Variants in CMSS1 observed in about 807,000 individuals in gnomAD.
CMSS1 encodes protein CMSS1.
Under a neutral mutation model 43.5 loss-of-function variants are expected in CMSS1, and 33 were observed. The ratio of observed to expected loss-of-function variants is 0.76; its 90% CI spans 0.57 to 1.01. CMSS1 has a LOEUF of 1.01. Ranked by LOEUF, CMSS1 falls within the 50% of genes least tolerant of loss-of-function variation. The probability of loss-of-function intolerance (pLI) is 0.00; values close to 1 mark genes in which losing one functional copy is unlikely to be tolerated. For missense variants in CMSS1, 313 were observed against 326.4 expected, an observed-to-expected ratio of 0.96 and a Z score of 0.32; for synonymous variants, 115 against 117.2, an observed-to-expected ratio of 0.98 and a Z score of 0.12.
At chr3:99,923,807 T>G (rs1306088540) in intron 1 of CMSS1, among the ~76,000 whole-genome samples, 1 of 152,246 alleles carries the variant, frequency 6.6e-6, no homozygotes, top group Non-Finnish European at 1.5e-5. Context: ...AAGCCTTTCC[T>G]TTTCTCATCC....
chr3:100,024,976 G>A (rs965903823), intron 1 of CMSS1, among the ~76,000 whole-genome samples: 16 of 152,110 alleles, frequency 1.1e-4, no homozygotes, highest in African/African-American at 3.6e-4. Flanking sequence ...CAAGTTTATC[G>A]AGCTTGATTT....
At chr3:99,927,731 T>TA (rs901517670) in intron 1 of CMSS1, among the ~76,000 whole-genome samples, 6 of 152,098 alleles carry the variant, frequency 3.9e-5, no homozygotes, top group Non-Finnish European at 4.4e-5. Flanking sequence ...AATTTTTTTT[T>TA]AAAATTAAGT....
At chr3:100,062,353 C>T (rs2065587664) in intron 1 of CMSS1, among the ~76,000 whole-genome samples, 1 of 151,924 alleles carries the variant, frequency 6.6e-6, no homozygotes, top group African/African-American at 2.4e-5. Flanking sequence ...CCTCGCGATC[C>T]ACCCGTCTCG....
At chr3:100,165,638 A>G (rs1182108543) in intron 4 of CMSS1, among the ~76,000 whole-genome samples, 2 of 151,942 alleles carry the variant, frequency 1.3e-5, no homozygotes, top group Non-Finnish European at 2.9e-5. Flanking sequence ...TACCACATAT[A>G]CTCATCCATT....
intron 1 of CMSS1, among the ~76,000 whole-genome samples, chr3:100,074,881 A>C (rs2065825172): frequency 6.6e-6 from 1 of 151,262 alleles, no homozygotes; most frequent in Non-Finnish European, 1.5e-5. Context: ...TTTAATAGAG[A>C]CAGGGTTTCG....
chr3:100,042,354 C>T (rs1305112830), intron 1 of CMSS1, among the ~76,000 whole-genome samples: 1 of 152,124 alleles, frequency 6.6e-6, no homozygotes, highest in Admixed American at 6.5e-5. Context: ...AACATTGGCT[C>T]TGTGACCAGC....
chr3:100,077,147 T>C (rs1340487015), intron 1 of CMSS1, among the ~76,000 whole-genome samples: 2 of 152,238 alleles, frequency 1.3e-5, no homozygotes, highest in African/African-American at 4.8e-5. Flanking sequence ...GATGCTTGGA[T>C]AGCTTGTACT....
At chr3:99,987,543 A>AG (rs1443636763) in intron 1 of CMSS1, among the ~76,000 whole-genome samples, 6 of 150,926 alleles carry the variant, frequency 4.0e-5, no homozygotes, top group African/African-American at 9.8e-5. Context: ...AAAAAAAAAA[A>AG]AAAGAAAGAA....
chr3:100,170,096 T>A (rs1238758685), intron 6 of CMSS1, among the ~76,000 whole-genome samples: 1 of 152,238 alleles, frequency 6.6e-6, no homozygotes. Flanking sequence ...TATAAGAACA[T>A]CTGTTCTATT....
chr3:100,035,376 C>A (rs1477679749), intron 1 of CMSS1, among the ~76,000 whole-genome samples: 4 of 152,152 alleles, frequency 2.6e-5, no homozygotes, highest in Non-Finnish European at 5.9e-5. Flanking sequence ...TGGGTTCAAG[C>A]AATTCTCCTG....
At chr3:99,845,987 A>C (rs889965913) in intron 1 of CMSS1, among the ~76,000 whole-genome samples, 1 of 152,234 alleles carries the variant, frequency 6.6e-6, no homozygotes, top group Non-Finnish European at 1.5e-5. Flanking sequence ...TTTGTGCATT[A>C]TCATAATAGA....
chr3:99,961,108 A>G (rs1006557845), intron 1 of CMSS1, among the ~76,000 whole-genome samples: 2 of 152,198 alleles, frequency 1.3e-5, no homozygotes, highest in African/African-American at 4.8e-5. Context: ...GTAACCTTGG[A>G]AAATGCAATA....
intron 1 of CMSS1, among the ~76,000 whole-genome samples, chr3:100,059,854 C>A (rs557241440): frequency 4.6e-5 from 7 of 152,306 alleles, no homozygotes; most frequent in African/African-American, 1.7e-4. Context: ...AATTCATATT[C>A]TTCAAAAACA....
At chr3:99,912,575 G>T (rs892636439) in intron 1 of CMSS1, among the ~76,000 whole-genome samples, 9 of 152,082 alleles carry the variant, frequency 5.9e-5, no homozygotes, top group Non-Finnish European at 1.3e-4. Context: ...ATGAAGTTTT[G>T]CCATGTTGCC....
At chr3:99,835,070 C>A (rs879352082) in intron 1 of CMSS1, among the ~76,000 whole-genome samples, 8 of 152,126 alleles carry the variant, frequency 5.3e-5, no homozygotes, top group Non-Finnish European at 8.8e-5. Context: ...GGTCATAATC[C>A]TAACTTCTTT....
chr3:99,837,768 A>G (rs1942960885), intron 1 of CMSS1, among the ~76,000 whole-genome samples: 1 of 152,238 alleles, frequency 6.6e-6, no homozygotes, highest in South Asian at 2.1e-4. Flanking sequence ...TCCTTGAGAA[A>G]TAGAAATCCA....
chr3:100,102,124 G>T (rs1252654941), intron 1 of CMSS1, among the ~76,000 whole-genome samples: 4 of 152,132 alleles, frequency 2.6e-5, no homozygotes, highest in Non-Finnish European at 5.9e-5. Context: ...ATAATCCTTT[G>T]GGTATATACC....
intron 1 of CMSS1, chr3:100,075,574 T>A (rs1044571177): frequency 3.3e-5 from 5 of 151,936 alleles, no homozygotes; most frequent in Non-Finnish European, 5.9e-5. Context: ...TCTTTTTTTT[T>A]TTTTAACTGT....
At chr3:100,157,293 T>C (rs1020926728) in intron 2 of CMSS1, among the ~76,000 whole-genome samples, 7 of 152,228 alleles carry the variant, frequency 4.6e-5, no homozygotes, top group African/African-American at 1.7e-4. Flanking sequence ...TGTTTCATGG[T>C]TGCAAAATCT....
Sources: gnomAD v4.1 joint callset for allele counts (sites outside exome capture counted in the v4.1 genomes callset) on GRCh38, gnomAD v4.1.1 for gene constraint, MANE v1.5 for transcripts, NCBI Gene and HGNC (gene_info 2026-07-23, HGNC 2026-07-21) for gene names.